The following EMC8 variants were observed in gnomAD, a reference collection of about 807,000 sequenced individuals.
The protein encoded by EMC8 is ER membrane protein complex subunit 8.
In EMC8, 11 loss-of-function variants were observed where a neutral mutation model predicts 24.3. That is an observed-to-expected ratio of 0.45 (90% CI 0.28 to 0.75). The LOEUF is 0.75. EMC8 is among the 30% of genes least tolerant of loss of function. The probability of loss-of-function intolerance (pLI) is 0.12; values close to 1 mark genes in which losing one functional copy is unlikely to be tolerated. For missense variants in EMC8, 277 were observed against 282.7 expected, an observed-to-expected ratio of 0.98 and a Z score of 0.14; for synonymous variants, 145 against 117.7, an observed-to-expected ratio of 1.23 and a Z score of -1.50.
Position 85,780,482 on chromosome 16 carries a change from A to G in EMC8, c.379-9T>C, listed in dbSNP as rs1164492496. On this transcript the variant is annotated splice_polypyrimidine_tract_variant and intron_variant, in intron 3 of 4. Transcript: ENST00000253457. ...AACTTGGTGTTGTCTACCTGAGCAC[A>G]AGGCAAAGGACACGAGAGTGAACAG... is the stretch of plus-strand genomic sequence containing the variant. 1.2e-6 allele frequency: 2 copies of G among 1,606,808 alleles called. No individual in the cohort carries two copies. The highest frequency in any genetic ancestry group is 1.7e-6 in the Non-Finnish European group (2 of 1,173,760).
intron 2 of EMC8, among the ~76,000 whole-genome samples, chr16:85,787,184 C>T (rs570441180): frequency 8.5e-5 from 13 of 152,338 alleles, no homozygotes; most frequent in East Asian, 1.9e-4. Context: ...CATGTGGGCA[C>T]GGCCCCAGCC....
At chr16:85,788,459 G>C (rs2152074610) in intron 2 of EMC8, among the ~76,000 whole-genome samples, 1 of 152,344 alleles carries the variant, frequency 6.6e-6, no homozygotes, top group African/African-American at 2.4e-5. Context: ...CAGACATATA[G>C]AAAAATTCTC....
At chr16:85,787,668 C>T (rs1195948400) in intron 2 of EMC8, 2 of 152,140 alleles carry the variant, frequency 1.3e-5, no homozygotes, top group Admixed American at 1.3e-4. Flanking sequence ...CAGTGCTGCT[C>T]GTGGGCTCAG....
chr16:85,798,769 G>T, intron 1 of EMC8: 3 of 372,496 alleles, frequency 8.1e-6, no homozygotes, highest in East Asian at 4.2e-5. Flanking sequence ...CCCACCAAGT[G>T]AACGATGACT....
intron 1 of EMC8, among the ~76,000 whole-genome samples, chr16:85,789,815 GTCTTTTATAC>G (rs11279425): frequency 0.029 from 4,291 of 149,858 alleles, 203 homozygotes; most frequent in African/African-American, 0.1. Context: ...AAAAAAAAAA[GTCTTTTATAC>G]TCCATCTCAG....
At position 85,779,795 on chromosome 16, in the gene EMC8, C is replaced by T. The variant is rs1473481639; in HGVS notation, c.546G>A (p.Thr182=). The change falls in exon 5 of 5, where the codon ACG becomes ACA. Residue 182 remains threonine (T), a synonymous_variant. Coordinates refer to ENST00000253457, the MANE Select transcript of EMC8 (RefSeq NM_006067.5). ...ASLLDSRSYE[T]LVDFDNHLDD... The stretch of plus-strand genomic sequence containing the variant: ...CCAGGTGGTTATCGAAATCCACGAG[C>T]GTCTCGTAGGACCGGCTGTCCAGGA... 8.7e-6 allele frequency: 14 copies of T among 1,613,896 alleles called. No homozygotes were observed. The highest frequency in any genetic ancestry group is 2.2e-5 in the East Asian group (1 of 44,894).
intron 2 of EMC8, among the ~76,000 whole-genome samples, chr16:85,788,313 G>A (rs776496144): frequency 3.3e-5 from 5 of 152,218 alleles, no homozygotes; most frequent in South Asian, 2.1e-4. Context: ...GGCTGTTGTC[G>A]CCAGCCTTGT....
At chr16:85,794,040 C>G (rs888678388) in intron 1 of EMC8, among the ~76,000 whole-genome samples, 1 of 152,076 alleles carries the variant, frequency 6.6e-6, no homozygotes, top group African/African-American at 2.4e-5. Flanking sequence ...TCCCCTTTAT[C>G]AAAAACAATT....
intron 3 of EMC8, 132 bp downstream of exon 3, chr16:85,781,079 C>T: frequency 1.5e-6 from 1 of 652,278 alleles, no homozygotes; most frequent in South Asian, 1.8e-5. Flanking sequence ...GAGAAAACTG[C>T]AAGAGGCGGC....
At chr16:85,785,354 G>C (rs1165344616) in intron 2 of EMC8, among the ~76,000 whole-genome samples, 2 of 152,146 alleles carry the variant, frequency 1.3e-5, no homozygotes, top group African/African-American at 2.4e-5. Flanking sequence ...TGGATCACTT[G>C]AGGTCAGCAG....
At chr16:85,794,596 G>A (rs1022627040) in intron 1 of EMC8, among the ~76,000 whole-genome samples, 16 of 152,164 alleles carry the variant, frequency 1.1e-4, no homozygotes, top group African/African-American at 3.6e-4. Flanking sequence ...GGCTGAGGCG[G>A]GAGAATCGCT....
At position 85,797,873 on chromosome 16, in the gene EMC8, G is replaced by A. The variant is rs191325341; in HGVS notation, c.231+1192C>T. On this transcript the variant is annotated intron_variant, in intron 1 of 4. Coordinates refer to ENST00000253457, the MANE Select transcript of EMC8 (RefSeq NM_006067.5). ...CACCTCAGCTCAGGTATGCAGGTCTGAAGCTACAGTTTACTTTTCCTTCAG... is the reference window on the plus strand; with the variant it reads ...CACCTCAGCTCAGGTATGCAGGTCTAAAGCTACAGTTTACTTTTCCTTCAG... 6.7e-4 allele frequency among the ~76,000 whole-genome samples: 102 copies of A among 152,286 alleles called. 1 individual carries two copies. The highest frequency in any genetic ancestry group is 2.4e-3 in the African/African-American group (101 of 41,572).
chr16:85,795,444 T>C (rs997715541), intron 1 of EMC8, among the ~76,000 whole-genome samples: 3 of 152,222 alleles, frequency 2.0e-5, no homozygotes, highest in Non-Finnish European at 2.9e-5. Context: ...AGTCTTTTGA[T>C]AGAATGCCAG....
intron 1 of EMC8, among the ~76,000 whole-genome samples, chr16:85,794,057 G>A (rs967409404): frequency 6.6e-6 from 1 of 152,084 alleles, no homozygotes; most frequent in Non-Finnish European, 1.5e-5. Flanking sequence ...AATTCCAATA[G>A]GAAGCTCTCT....
rs59646659 is a variant in EMC8 at position 85,779,349 on chromosome 16, T to A, written c.*359A>T. 0.25 allele frequency: 32,565 copies of A among 132,398 alleles called. 3,981 individuals carry two copies. The highest frequency in any genetic ancestry group is 0.57 in the East Asian group (2,822 of 4,992). 8.2% of individuals were successfully genotyped at this position (132,398 alleles called of 1,614,324 possible). A position where few individuals can be genotyped will look rare whatever the true frequency, so the allele number is the denominator to read the frequency against. ...AGATGTGGGCTTTTTTTTTTTTTTT[T>A]AAAAAAAGATAGTTCAAAAGCCTTA... On this transcript the variant is annotated 3_prime_UTR_variant, in exon 5 of 5. Coordinates refer to ENST00000253457, the MANE Select transcript of EMC8 (RefSeq NM_006067.5).
At chr16:85,795,586 G>A (rs1905216425) in intron 1 of EMC8, among the ~76,000 whole-genome samples, 1 of 152,186 alleles carries the variant, frequency 6.6e-6, no homozygotes, top group African/African-American at 2.4e-5. Flanking sequence ...CTCGGGGGAA[G>A]GAATGCTGAT....
rs768543734 is a variant in EMC8 at position 85,780,370 on chromosome 16, C to T, written c.473+9G>A. The stretch of plus-strand genomic sequence containing the variant: ...GCCCAGCCCGCGCGGCAGCATGGGG[C>T]GCACTCACTGGTGTGGGTCTCTGCA... On this transcript the variant is annotated intron_variant, in intron 4 of 4. Transcript: ENST00000253457. 6.8e-6 allele frequency: 11 copies of T among 1,609,558 alleles called. No homozygotes were observed. In the South Asian group the frequency reaches 7.7e-5, roughly 11 times the overall value.
intron 1 of EMC8, 106 bp downstream of exon 1, chr16:85,798,959 G>C (rs1905429153): frequency 1.3e-6 from 1 of 742,820 alleles, no homozygotes; most frequent in South Asian, 1.8e-5. Flanking sequence ...CCTAGGGAGC[G>C]GGTCCTAGGA....
intron 2 of EMC8, among the ~76,000 whole-genome samples, chr16:85,788,318 C>A (rs1180380640): frequency 6.6e-6 from 1 of 152,264 alleles, no homozygotes; most frequent in African/African-American, 2.4e-5. Flanking sequence ...TTGTCGCCAG[C>A]CTTGTTTACA....
Sources: gnomAD v4.1 joint callset for allele counts (sites outside exome capture counted in the v4.1 genomes callset) on GRCh38, gnomAD v4.1.1 for gene constraint, MANE v1.5 for transcripts, NCBI Gene and HGNC (gene_info 2026-07-23, HGNC 2026-07-21) for gene names.